NHSL1: variants seen among roughly 807,000 people sequenced by gnomAD.
NHSL1 encodes the protein NHS like 1, also known as NHS-like protein 1.
A neutral mutation model predicts 95.0 loss-of-function variants in NHSL1; 48 were observed. That is an observed-to-expected ratio of 0.51 (90% CI 0.40 to 0.64). NHSL1 has a LOEUF of 0.64. Among genes scored for constraint, NHSL1 ranks in the 30% least tolerant of loss-of-function variants. NHSL1 has a pLI of 0.00. For synonymous variants in NHSL1, 783 were observed against 833.9 expected, an observed-to-expected ratio of 0.94 and a Z score of 1.05; for missense variants, 1,971 against 2,077.7, an observed-to-expected ratio of 0.95 and a Z score of 1.00.
At chr6:138,490,388 T>G (rs976270863) in intron 2 of NHSL1, among the ~76,000 whole-genome samples, 4 of 152,046 alleles carry the variant, frequency 2.6e-5, no homozygotes, top group East Asian at 1.9e-4. Context: ...AAGGGGTATC[T>G]GCGATATCTC....
chr6:138,648,814 G>A (rs1285204419), intron 1 of NHSL1, among the ~76,000 whole-genome samples: 1 of 152,064 alleles, frequency 6.6e-6, no homozygotes, highest in Non-Finnish European at 1.5e-5. Flanking sequence ...TAAGAGCATA[G>A]AAGAGGCAAG....
At chr6:138,486,458 A>T (rs1779734099) in intron 2 of NHSL1, among the ~76,000 whole-genome samples, 1 of 151,306 alleles carries the variant, frequency 6.6e-6, no homozygotes, top group Non-Finnish European at 1.5e-5. Flanking sequence ...TCTTACAATG[A>T]CTCTCTCCCC....
intron 4 of NHSL1, 31 bp from the exon 5 acceptor site, chr6:138,442,145 A>G (rs1776572571): frequency 1.3e-6 from 2 of 1,514,294 alleles, no homozygotes; most frequent in African/African-American, 1.4e-5. Flanking sequence ...AAGCAAAGCA[A>G]TGTTATTTTC....
intron 1 of NHSL1, among the ~76,000 whole-genome samples, chr6:138,538,731 T>G (rs1407078890): frequency 6.6e-6 from 1 of 152,254 alleles, no homozygotes; most frequent in African/African-American, 2.4e-5. Context: ...TCTCTTTTGC[T>G]CTCAAATGCT....
chr6:138,598,184 C>A (rs992917041), intron 1 of NHSL1, among the ~76,000 whole-genome samples: 3 of 151,934 alleles, frequency 2.0e-5, no homozygotes, highest in African/African-American at 7.3e-5. Context: ...TTAGGCCAGG[C>A]GTGGTGGCTC....
chr6:138,574,659 T>C (rs868767721), upstream of NHSL1, among the ~76,000 whole-genome samples: 9 of 146,712 alleles, frequency 6.1e-5, no homozygotes, highest in South Asian at 6.4e-4. Flanking sequence ...AAACTCTGTG[T>C]CTACAAATAA....
At chr6:138,606,442 C>T (rs539759801) in intron 1 of NHSL1, among the ~76,000 whole-genome samples, 9 of 152,332 alleles carry the variant, frequency 5.9e-5, no homozygotes, top group East Asian at 1.9e-4. Context: ...GCAGCAGCTT[C>T]GGCATATTGC....
chr6:138,597,496 T>C (rs1378382522), intron 1 of NHSL1, among the ~76,000 whole-genome samples: 1 of 152,228 alleles, frequency 6.6e-6, no homozygotes, highest in Non-Finnish European at 1.5e-5. Flanking sequence ...ACGCCTCACT[T>C]CCAGGTCCCG....
chr6:138,492,286 C>T (rs936257714), intron 2 of NHSL1, among the ~76,000 whole-genome samples: 1 of 152,152 alleles, frequency 6.6e-6, no homozygotes. Context: ...TCTGACTGAG[C>T]CCTCTCTCCC....
intron 3 of NHSL1, among the ~76,000 whole-genome samples, chr6:138,460,894 C>T (rs1777952580): frequency 1.3e-5 from 2 of 151,780 alleles, no homozygotes; most frequent in Admixed American, 1.3e-4. Flanking sequence ...ACCCATCCAA[C>T]ACCTACCTGA....
At chr6:138,491,317 G>T (rs1396907461) in intron 2 of NHSL1, among the ~76,000 whole-genome samples, 2 of 152,102 alleles carry the variant, frequency 1.3e-5, no homozygotes, top group East Asian at 3.9e-4. Context: ...CTCTCAAGTT[G>T]GGCTTTTTGG....
At chr6:138,601,518 T>A (rs116250648) in intron 1 of NHSL1, among the ~76,000 whole-genome samples, 1 of 152,090 alleles carries the variant, frequency 6.6e-6, no homozygotes, top group East Asian at 1.9e-4. Context: ...ATACTGATTA[T>A]AAGAGTTTTT....
upstream of NHSL1, among the ~76,000 whole-genome samples, chr6:138,547,895 T>C (rs1782863158): frequency 6.6e-6 from 1 of 152,238 alleles, no homozygotes; most frequent in African/African-American, 2.4e-5. Flanking sequence ...AATTTACGAA[T>C]TACAGAGGTA....
chr6:138,648,363 A>AT (rs1033287417), intron 1 of NHSL1, among the ~76,000 whole-genome samples: 9 of 151,020 alleles, frequency 6.0e-5, no homozygotes, highest in Admixed American at 1.3e-4. Context: ...AAAAAAAAAA[A>AT]AAAACAATGG....
intron 1 of NHSL1, among the ~76,000 whole-genome samples, chr6:138,605,230 T>G (rs1784417779): frequency 6.6e-6 from 1 of 152,116 alleles, no homozygotes. Context: ...TAACTACCTT[T>G]TTTGTTTGTT....
At chr6:138,584,857 C>T (rs1337120365) in intron 1 of NHSL1, among the ~76,000 whole-genome samples, 4 of 152,156 alleles carry the variant, frequency 2.6e-5, no homozygotes, top group Admixed American at 6.5e-5. Flanking sequence ...AGAGATTCTC[C>T]TTCCTAATCG....
chr6:138,653,123 T>A (rs1332199720), intron 1 of NHSL1, among the ~76,000 whole-genome samples: 1 of 152,204 alleles, frequency 6.6e-6, no homozygotes, highest in African/African-American at 2.4e-5. Flanking sequence ...ATTAAATTGC[T>A]CAGTGAAATT....
At chr6:138,479,065 G>A (rs1779260893) in intron 2 of NHSL1, among the ~76,000 whole-genome samples, 1 of 152,066 alleles carries the variant, frequency 6.6e-6, no homozygotes, top group Non-Finnish European at 1.5e-5. Flanking sequence ...TTATACTCAG[G>A]GTATATGTTC....
chr6:138,459,096 T>C (rs1274612565), intron 3 of NHSL1, among the ~76,000 whole-genome samples: 1 of 152,136 alleles, frequency 6.6e-6, no homozygotes, highest in Non-Finnish European at 1.5e-5. Flanking sequence ...TCCTGGGTTC[T>C]CCTTCCTCAG....
Sources: gnomAD v4.1 joint callset for allele counts (sites outside exome capture counted in the v4.1 genomes callset) on GRCh38, gnomAD v4.1.1 for gene constraint, MANE v1.5 for transcripts, NCBI Gene and HGNC (gene_info 2026-07-23, HGNC 2026-07-21) for gene names.